Variants in NOX4 observed in about 807,000 individuals in gnomAD.
NOX4 encodes the protein kidney oxidase-1.
Under a neutral mutation model 87.6 loss-of-function variants are expected in NOX4, and 69 were observed. The observed-to-expected ratio is 0.79, with a 90% CI of 0.65 to 0.96. The LOEUF (loss-of-function observed/expected upper bound fraction) is 0.96, where lower values mean the gene tolerates loss of function less well. Ranked by LOEUF, NOX4 falls within the 40% of genes least tolerant of loss-of-function variation. NOX4 has a pLI of 0.00. For synonymous variants in NOX4, 275 were observed against 238.2 expected (o/e 1.15, Z -1.42); for missense variants, 680 against 681.5 (o/e 1.00, Z 0.02).
At chr11:89,522,605 G>A in the NOX4 span, among the ~76,000 whole-genome samples, 1 of 151,972 alleles carries the variant, frequency 6.6e-6, no homozygotes, top group Non-Finnish European at 1.5e-5. Context: ...AATACACCCT[G>A]ATAACATACC....
At chr11:89,489,718 ACTCTGT>A (rs1488614701) in intron 2 of NOX4, among the ~76,000 whole-genome samples, 7 of 129,336 alleles carry the variant, frequency 5.4e-5, no homozygotes, top group African/African-American at 1.9e-4. Context: ...TCGCAGCAAG[ACTCTGT>A]CTCAAAAAAA....
At chr11:89,376,394 T>C (rs1363393242) in intron 11 of NOX4, among the ~76,000 whole-genome samples, 1 of 152,222 alleles carries the variant, frequency 6.6e-6, no homozygotes, top group Non-Finnish European at 1.5e-5. Flanking sequence ...ATTGCCTAGA[T>C]CACATTGTGG....
chr11:89,496,591 AG>A (rs1946955216), upstream of NOX4, among the ~76,000 whole-genome samples: 1 of 151,278 alleles, frequency 6.6e-6, no homozygotes, highest in Admixed American at 6.6e-5. Flanking sequence ...AAAAAAAAAA[AG>A]AGAAAAAATA....
intron 11 of NOX4, among the ~76,000 whole-genome samples, chr11:89,385,556 T>C (rs1431013255): frequency 1.3e-5 from 2 of 152,176 alleles, no homozygotes; most frequent in Non-Finnish European, 2.9e-5. Context: ...TTTCATAACG[T>C]CTTTCATGTA....
At chr11:89,389,033 T>C (rs1456463811) in intron 11 of NOX4, among the ~76,000 whole-genome samples, 1 of 152,204 alleles carries the variant, frequency 6.6e-6, no homozygotes, top group African/African-American at 2.4e-5. Flanking sequence ...AAGTAGAGCA[T>C]ACAGGTCTCC....
intron 5 of NOX4, among the ~76,000 whole-genome samples, chr11:89,441,479 T>C (rs1239957203): frequency 6.6e-6 from 1 of 152,160 alleles, no homozygotes; most frequent in East Asian, 1.9e-4. Flanking sequence ...GGCCAGACTA[T>C]GTACTAAGAA....
chr11:89,354,286 C>A (rs1008739282), intron 13 of NOX4, among the ~76,000 whole-genome samples: 5 of 152,040 alleles, frequency 3.3e-5, no homozygotes, highest in Admixed American at 1.3e-4. Context: ...CCCCAAGATG[C>A]CACAGGAATG....
intron 2 of NOX4, among the ~76,000 whole-genome samples, chr11:89,486,131 G>A (rs1346293843): frequency 6.6e-6 from 1 of 151,504 alleles, no homozygotes; most frequent in African/African-American, 2.4e-5. Flanking sequence ...TAATAACCCA[G>A]AAATAAAAGT....
At chr11:89,557,813 C>G in the NOX4 span, among the ~76,000 whole-genome samples, 1 of 152,072 alleles carries the variant, frequency 6.6e-6, no homozygotes, top group African/African-American at 2.4e-5. Flanking sequence ...AAATGACTCT[C>G]TGTTATCTAT....
chr11:89,424,420 T>C (rs569069350), intron 7 of NOX4, among the ~76,000 whole-genome samples: 4 of 151,234 alleles, frequency 2.6e-5, no homozygotes, highest in African/African-American at 7.2e-5. Flanking sequence ...CTGGAAATAA[T>C]GGTATTTTAT....
chr11:89,447,729 G>A (rs947367999), intron 4 of NOX4, among the ~76,000 whole-genome samples: 4 of 152,066 alleles, frequency 2.6e-5, no homozygotes, highest in Admixed American at 2.0e-4. Context: ...ATTGAGTCAC[G>A]AATATGCTGG....
chr11:89,481,273 G>GTA (rs752214382), intron 2 of NOX4, among the ~76,000 whole-genome samples: 133 of 151,166 alleles, frequency 8.8e-4, no homozygotes, highest in African/African-American at 2.8e-3. Flanking sequence ...ATGTGTGTGT[G>GTA]TATATATATA....
chr11:89,406,296 A>T (rs554470072), intron 8 of NOX4, among the ~76,000 whole-genome samples: 1 of 152,244 alleles, frequency 6.6e-6, no homozygotes, highest in East Asian at 1.9e-4. Context: ...CTGTGGCCAC[A>T]TTTATTAAAA....
the NOX4 span, among the ~76,000 whole-genome samples, chr11:89,560,527 T>C: frequency 6.6e-6 from 1 of 152,058 alleles, no homozygotes; most frequent in African/African-American, 2.4e-5. Flanking sequence ...ATTATTTCCA[T>C]GAGGTATGTC....
chr11:89,504,457 G>A, the NOX4 span, among the ~76,000 whole-genome samples: 1 of 152,066 alleles, frequency 6.6e-6, no homozygotes, highest in Non-Finnish European at 1.5e-5. Context: ...TAGACAGGAT[G>A]TGGCAATAGA....
intron 2 of NOX4, among the ~76,000 whole-genome samples, chr11:89,463,196 TA>T (rs1013806265): frequency 5.4e-4 from 82 of 152,086 alleles, no homozygotes; most frequent in African/African-American, 1.8e-3. Flanking sequence ...CAATAATTCC[TA>T]TTAATAATAA....
the NOX4 span, among the ~76,000 whole-genome samples, chr11:89,585,680 G>A: frequency 0.46 from 70,298 of 151,988 alleles, 16,608 homozygotes; most frequent in East Asian, 0.66. Context: ...CTTTACAGTA[G>A]AGAGTGTCCA....
chr11:89,576,003 G>A, the NOX4 span, among the ~76,000 whole-genome samples: 2 of 152,182 alleles, frequency 1.3e-5, no homozygotes, highest in African/African-American at 4.8e-5. Flanking sequence ...TTGCTAACAA[G>A]ACTGTATTTC....
chr11:89,539,234 C>T, the NOX4 span, among the ~76,000 whole-genome samples: 768 of 152,190 alleles, frequency 5.0e-3, 4 homozygotes, highest in African/African-American at 0.01. Flanking sequence ...GAGATCGAGA[C>T]GATCCTGGCT....
Sources: allele counts gnomAD v4.1 joint callset (sites outside exome capture counted in the v4.1 genomes callset), GRCh38; gene constraint gnomAD v4.1.1; transcripts MANE v1.5; gene names NCBI Gene and HGNC (gene_info 2026-07-23, HGNC 2026-07-21).